Variants in ZNF875 observed in about 807,000 individuals in gnomAD.
ZNF875 encodes zinc finger protein 875.
ZNF875 carries 14 observed loss-of-function variants against 11.2 expected under a neutral mutation model. The observed-to-expected ratio is 1.26, with a 90% confidence interval of 0.83 to 1.96. The LOEUF is 1.96. Among genes scored for constraint, ZNF875 ranks in the 30% most tolerant of loss-of-function variants. The pLI is 0.00. For synonymous variants in ZNF875, 301 were observed against 281.1 expected (o/e 1.07, Z -0.71); for missense variants, 752 against 760.4 (o/e 0.99, Z 0.13).
At chr19:37,361,570 A>G (rs4417644) in intron 4 of ZNF875, among the ~76,000 whole-genome samples, 31,736 of 151,970 alleles carry the variant, frequency 0.21, 3,535 homozygotes, top group South Asian at 0.31. Flanking sequence ...GCCATACAGA[A>G]ACAGGTTTCA....
chr19:37,355,352 G>C (rs1225082165), intron 4 of ZNF875, among the ~76,000 whole-genome samples: 2 of 152,094 alleles, frequency 1.3e-5, no homozygotes, highest in Non-Finnish European at 2.9e-5. Context: ...ACCATGCCTG[G>C]CTAATTTTTG....
chr19:37,344,938 T>C, intron 2 of ZNF875: 1 of 621,570 alleles, frequency 1.6e-6, no homozygotes, highest in Non-Finnish European at 3.0e-6. Flanking sequence ...CTCCAGTGTT[T>C]AATGATGAAC....
chr19:37,340,210 G>C (rs993081287), intron 2 of ZNF875, among the ~76,000 whole-genome samples: 14 of 152,068 alleles, frequency 9.2e-5, no homozygotes, highest in Non-Finnish European at 1.2e-4. Context: ...TTGAACTCCT[G>C]ACCTCTGGTG....
Position 37,363,228 on chromosome 19 carries a change from T to A in ZNF875, c.1376T>A (p.Phe459Tyr). The A allele has an allele frequency of 5.0e-6, 8 of 1,613,950 alleles. No individual in the cohort carries two copies. The highest frequency in any genetic ancestry group is 6.8e-6 in the Non-Finnish European group (8 of 1,179,958). The change falls in exon 5 of 5, where the codon TTT becomes TAT. Residue 459 changes from phenylalanine to tyrosine, a missense_variant. Physicochemically the swap from Phe to Tyr is conservative, Grantham distance 22 (BLOSUM62 3). Coordinates refer to ENST00000392153, the MANE Select transcript of ZNF875 (RefSeq NM_001353803.2). Reference sequence around the variant, plus strand: ...GTCTGCCTGGAGTGCGGGCAGTGCTTTAGCCTGAAGTCAAACCTTAACAAA... The same window carrying A: ...GTCTGCCTGGAGTGCGGGCAGTGCTATAGCCTGAAGTCAAACCTTAACAAA... ...PYVCLECGQC[F>Y]SLKSNLNKHQ...
At chr19:37,335,411 T>C (rs187562635) in intron 2 of ZNF875, among the ~76,000 whole-genome samples, 154 bp downstream of exon 2, 1 of 152,296 alleles carries the variant, frequency 6.6e-6, no homozygotes, top group Admixed American at 6.5e-5. Flanking sequence ...GATATAGTCT[T>C]GTAGAGCGTC....
intron 4 of ZNF875, among the ~76,000 whole-genome samples, chr19:37,354,521 C>A (rs768309682): frequency 6.6e-6 from 1 of 151,814 alleles, no homozygotes; most frequent in African/African-American, 2.4e-5. Flanking sequence ...TGGGCTTCCT[C>A]ATACTTATTT....
chr19:37,319,755 C>T (rs1016225075), intron 1 of ZNF875, among the ~76,000 whole-genome samples: 1 of 152,172 alleles, frequency 6.6e-6, no homozygotes, highest in African/African-American at 2.4e-5. Flanking sequence ...GACCGGCTAT[C>T]CCTCTGACCT....
chr19:37,342,060 C>T (rs1022015402), intron 2 of ZNF875, among the ~76,000 whole-genome samples: 1 of 152,214 alleles, frequency 6.6e-6, no homozygotes, highest in Non-Finnish European at 1.5e-5. Context: ...TCAGACAGGC[C>T]TCACATCTTT....
intron 4 of ZNF875, among the ~76,000 whole-genome samples, chr19:37,361,516 G>A (rs1168254780): frequency 6.6e-6 from 1 of 150,692 alleles, no homozygotes; most frequent in African/African-American, 2.4e-5. Context: ...TCCCTCTTTT[G>A]AATTCAACCC....
intron 1 of ZNF875, among the ~76,000 whole-genome samples, chr19:37,318,667 G>T (rs529243713): frequency 6.6e-6 from 1 of 151,408 alleles, no homozygotes; most frequent in African/African-American, 2.4e-5. Context: ...GACTACAGGC[G>T]CCCGCCACCA....
chr19:37,338,890 G>A (rs78674946), intron 2 of ZNF875, among the ~76,000 whole-genome samples: 4,950 of 152,268 alleles, frequency 0.033, 119 homozygotes, highest in Non-Finnish European at 0.05. Flanking sequence ...AATAATCAAA[G>A]CAAGACTATC....
chr19:37,358,133 CTTTTTTTTTTT>C (rs35011906), intron 4 of ZNF875: 12 of 85,580 alleles, frequency 1.4e-4, no homozygotes, highest in East Asian at 3.3e-4. Context: ...TTAAGATGAT[CTTTTTTTTTTT>C]TTTTTTTTTT....
intron 4 of ZNF875, among the ~76,000 whole-genome samples, chr19:37,357,247 G>A (rs1413220417): frequency 6.6e-6 from 1 of 152,158 alleles, no homozygotes; most frequent in African/African-American, 2.4e-5. Context: ...GTCAAAGTCA[G>A]GTAATGTGAT....
At chr19:37,325,562 T>A (rs76012433) in intron 4 of ZNF875, among the ~76,000 whole-genome samples, 1 of 152,074 alleles carries the variant, frequency 6.6e-6, no homozygotes, top group Non-Finnish European at 1.5e-5. Flanking sequence ...TTTTTTTTTT[T>A]TGAGACAGGG....
rs778396892 is a variant in ZNF875 at position 37,362,628 on chromosome 19, G to C, written c.776G>C (p.Trp259Ser). 3 of 1,613,578 alleles carry C rather than the reference G, an allele frequency of 1.9e-6. No individual in the cohort carries two copies. Among genetic ancestry groups the C allele is most frequent in the Non-Finnish European group, 2.5e-6 (3 of 1,179,742 alleles). Reference protein sequence around the residue: ...TGETPYMYTEWGDSFGSMSVL... With the variant: ...TGETPYMYTESGDSFGSMSVL... ...GAGACACCTTACATGTACACTGAGT[G>C]GGGAGACAGCTTTGGCAGTATGTCA... The change falls in exon 5 of 5, where the codon TGG becomes TCG. Residue 259 changes from tryptophan (W) to serine (S), a missense_variant. Trp to Ser is a radical substitution (Grantham distance 177). Coordinates refer to ENST00000392153, the MANE Select transcript of ZNF875 (RefSeq NM_001353803.2).
intron 4 of ZNF875, among the ~76,000 whole-genome samples, chr19:37,351,650 A>G (rs1016375545): frequency 2.6e-5 from 4 of 152,010 alleles, no homozygotes; most frequent in Admixed American, 2.6e-4. Context: ...GATATTTTCT[A>G]ATTTTCTTAT....
intron 2 of ZNF875, chr19:37,346,540 A>T (rs1233243440): frequency 6.5e-6 from 1 of 153,878 alleles, no homozygotes; most frequent in Non-Finnish European, 1.4e-5. Flanking sequence ...CTTCAAGTAG[A>T]ACAAATAGTG....
chr19:37,345,107 C>T (rs964171416), intron 2 of ZNF875: 37 of 205,152 alleles, frequency 1.8e-4, no homozygotes, highest in Admixed American at 1.0e-4. Flanking sequence ...CCCAGTGATT[C>T]ACAACCATCA....
intron 4 of ZNF875, among the ~76,000 whole-genome samples, chr19:37,355,185 CTTTGTT>C (rs1240749646): frequency 2.6e-5 from 4 of 151,430 alleles, no homozygotes; most frequent in Non-Finnish European, 5.9e-5. Context: ...TTGTTTTTGT[CTTTGTT>C]TTTGTTTTTG....
Sources: allele counts gnomAD v4.1 joint callset (sites outside exome capture counted in the v4.1 genomes callset), GRCh38; gene constraint gnomAD v4.1.1; transcripts MANE v1.5; gene names NCBI Gene and HGNC (gene_info 2026-07-23, HGNC 2026-07-21).